Variants in NCAM2 observed in about 807,000 individuals in gnomAD.
NCAM2 encodes the protein N-CAM-2.
In NCAM2, 30 loss-of-function variants were observed where a neutral mutation model predicts 98.1. The ratio of observed to expected loss-of-function variants is 0.31; its 90% CI spans 0.23 to 0.41. The LOEUF (loss-of-function observed/expected upper bound fraction) is 0.41. Among genes scored for constraint, NCAM2 ranks in the 10% least tolerant of loss-of-function variants. The pLI is 1.00. For synonymous variants in NCAM2, 368 were observed against 342.4 expected, an observed-to-expected ratio of 1.07 and a Z score of -0.83; for missense variants, 867 against 1,005.8, an observed-to-expected ratio of 0.86 and a Z score of 1.87.
At chr21:21,158,104 A>G (rs935093231) in intron 1 of NCAM2, among the ~76,000 whole-genome samples, 2 of 152,206 alleles carry the variant, frequency 1.3e-5, no homozygotes, top group South Asian at 2.1e-4. Flanking sequence ...CAGAAGGCAT[A>G]CGTATAGAAT....
chr21:21,499,986 T>C (rs1987521720), intron 15 of NCAM2, among the ~76,000 whole-genome samples: 1 of 152,178 alleles, frequency 6.6e-6, no homozygotes, highest in African/African-American at 2.4e-5. Context: ...ATAATGTGCA[T>C]TACATATTTC....
At chr21:21,452,864 A>C (rs187409946) in intron 12 of NCAM2, among the ~76,000 whole-genome samples, 4,877 of 102,548 alleles carry the variant, frequency 0.048, 147 homozygotes, top group South Asian at 0.068. Flanking sequence ...ATATGAATAA[A>C]CATTTCTATG....
At position 21,147,619 on chromosome 21, in the gene NCAM2, TACAC is replaced by T. The variant is rs57007468; in HGVS notation, c.56-132958_56-132955del. ...CACTGTATATATATGTATATATACA[TACAC>T]TAATAAGTATCAACAGATATATATT... On this transcript the variant is annotated intron_variant, in intron 1 of 17. Transcript: ENST00000400546. Among the ~76,000 whole-genome samples the T allele has an allele frequency of 1.9e-4, 29 of 150,288 alleles. No homozygotes were observed. The East Asian group carries it at 4.7e-3, about 24-fold the overall frequency.
intron 1 of NCAM2, among the ~76,000 whole-genome samples, chr21:21,079,761 A>T (rs1029838649): frequency 6.6e-6 from 1 of 152,096 alleles, no homozygotes; most frequent in African/African-American, 2.4e-5. Context: ...ATAAATTCCC[A>T]TCTCTATGAC....
chr21:21,088,966 G>T (rs2065958427), intron 1 of NCAM2, among the ~76,000 whole-genome samples: 1 of 112,988 alleles, frequency 8.9e-6, no homozygotes, highest in Non-Finnish European at 1.8e-5. Context: ...GCGAAACTCT[G>T]TCTCAAAAAA....
chr21:21,043,696 CA>C (rs552030715), intron 1 of NCAM2, among the ~76,000 whole-genome samples: 2 of 149,586 alleles, frequency 1.3e-5, no homozygotes, highest in Non-Finnish European at 1.5e-5. Context: ...ACTAAAAATA[CA>C]AAAAAAAATT....
intron 12 of NCAM2, among the ~76,000 whole-genome samples, chr21:21,456,177 G>T (rs1982117024): frequency 6.6e-6 from 1 of 151,980 alleles, no homozygotes; most frequent in Non-Finnish European, 1.5e-5. Flanking sequence ...AATTTGACTG[G>T]GAATCTTGAA....
chr21:21,303,173 G>A (rs7275693), intron 5 of NCAM2, among the ~76,000 whole-genome samples: 111,721 of 151,164 alleles, frequency 0.74, 41,410 homozygotes, highest in South Asian at 0.82. Flanking sequence ...TGGGTGTAAT[G>A]TGCCCATGTG....
At position 21,534,523 on chromosome 21, in the gene NCAM2, CT is replaced by C; in HGVS notation, c.2283-11del. On this transcript the variant is annotated splice_polypyrimidine_tract_variant and intron_variant, in intron 16 of 17. Coordinates refer to ENST00000400546, the MANE Select transcript of NCAM2 (RefSeq NM_004540.5). The stretch of plus-strand genomic sequence containing the variant: ...TAAATTACACAGGTGAGATGTTTCT[CT>C]TTATGTTTCTAGGAAAGATGGATCA... The C allele has an allele frequency of 6.4e-7, 1 of 1,566,634 alleles. No individual in the cohort carries two copies. The highest frequency in any genetic ancestry group is 8.7e-7 in the Non-Finnish European group (1 of 1,154,026).
intron 1 of NCAM2, among the ~76,000 whole-genome samples, chr21:21,130,088 G>A (rs1049268496): frequency 2.0e-5 from 3 of 151,752 alleles, no homozygotes; most frequent in Non-Finnish European, 4.4e-5. Flanking sequence ...TTTTAAATAA[G>A]GAACAATGAG....
At chr21:21,411,067 T>TACAC (rs1186386102) in intron 10 of NCAM2, among the ~76,000 whole-genome samples, 19 of 64,166 alleles carry the variant, frequency 3.0e-4, no homozygotes, top group African/African-American at 1.1e-3. Flanking sequence ...TATATATATA[T>TACAC]ATACACACAC....
intron 1 of NCAM2, among the ~76,000 whole-genome samples, chr21:21,112,535 G>A (rs1045483125): frequency 1.3e-5 from 2 of 152,104 alleles, no homozygotes; most frequent in Non-Finnish European, 2.9e-5. Context: ...AAAATGAACT[G>A]AAATGTTTCA....
intron 5 of NCAM2, among the ~76,000 whole-genome samples, chr21:21,299,459 C>T (rs903207751): frequency 1.1e-4 from 16 of 151,798 alleles, no homozygotes; most frequent in Admixed American, 7.9e-4. Context: ...AAACTAGTTC[C>T]ATGTGCTACA....
At chr21:21,212,041 C>T (rs138774846) in intron 1 of NCAM2, among the ~76,000 whole-genome samples, 8 of 152,256 alleles carry the variant, frequency 5.3e-5, no homozygotes, top group African/African-American at 7.2e-5. Context: ...TATAACCCAA[C>T]GATTTCGTGC....
chr21:21,363,278 A>G (rs2075694743), intron 8 of NCAM2, among the ~76,000 whole-genome samples: 1 of 152,154 alleles, frequency 6.6e-6, no homozygotes, highest in Non-Finnish European at 1.5e-5. Context: ...TTATTGTGAC[A>G]TAACTACCTC....
At chr21:21,055,032 TA>T (rs1280751521) in intron 1 of NCAM2, among the ~76,000 whole-genome samples, 1 of 152,046 alleles carries the variant, frequency 6.6e-6, no homozygotes, top group African/African-American at 2.4e-5. Flanking sequence ...AAATGAAACT[TA>T]AAAATATTAG....
chr21:21,080,678 AAAC>A (rs1174449942), intron 1 of NCAM2, among the ~76,000 whole-genome samples: 4,561 of 105,646 alleles, frequency 0.043, 285 homozygotes, highest in African/African-American at 0.14. Context: ...AAAAAAAAAA[AAAC>A]CAACATTGAT....
intron 1 of NCAM2, among the ~76,000 whole-genome samples, chr21:21,069,370 A>C (rs189213191): frequency 1.6e-4 from 24 of 152,342 alleles, no homozygotes; most frequent in Admixed American, 1.4e-3. Context: ...CCTTTAGGTT[A>C]AAAATGCGTT....
chr21:20,999,688 A>G lies in NCAM2; in HGVS notation c.55+1070A>G, dbSNP rs901895977. ...TTTTAAAATAATATAATAAATTACAAGACAAGTTAAAATATCCCCAAGATA... is the reference window on the plus strand; with the variant it reads ...TTTTAAAATAATATAATAAATTACAGGACAAGTTAAAATATCCCCAAGATA... On this transcript the variant is annotated intron_variant, in intron 1 of 17. Coordinates refer to ENST00000400546, the MANE Select transcript of NCAM2 (RefSeq NM_004540.5). Among the ~76,000 whole-genome samples, 7 of 152,246 alleles carry G rather than the reference A, an allele frequency of 4.6e-5. No individual in the cohort carries two copies. The South Asian group carries it at 6.2e-4, about 14-fold the overall frequency.
Sources: gnomAD v4.1 joint callset for allele counts (sites outside exome capture counted in the v4.1 genomes callset) on GRCh38, gnomAD v4.1.1 for gene constraint, MANE v1.5 for transcripts, NCBI Gene and HGNC (gene_info 2026-07-23, HGNC 2026-07-21) for gene names.